The following PALM2AKAP2 variants were observed in gnomAD, a reference collection of about 807,000 sequenced individuals.
PALM2AKAP2 encodes PALM2-AKAP2 fusion protein.
In PALM2AKAP2, 37 loss-of-function variants were observed where a neutral mutation model predicts 71.5. That is an observed-to-expected ratio of 0.52 (90% CI 0.40 to 0.68). The LOEUF is 0.68. PALM2AKAP2 is among the 30% of genes least tolerant of loss of function. The pLI, the probability that PALM2AKAP2 is intolerant of heterozygous loss-of-function variation, is 0.00. For synonymous variants in PALM2AKAP2, 468 were observed against 478.8 expected (o/e 0.98, Z 0.29); for missense variants, 1,224 against 1,191.8 (o/e 1.03, Z -0.40).
chr9:109,824,365 T>A (rs1828087580), intron 1 of PALM2AKAP2, among the ~76,000 whole-genome samples: 1 of 152,196 alleles, frequency 6.6e-6, no homozygotes, highest in South Asian at 2.1e-4. Context: ...CACTTATTTA[T>A]CCTTTCTGCT....
chr9:109,999,027 C>T (rs74847945), intron 6 of PALM2AKAP2, among the ~76,000 whole-genome samples: 1 of 152,082 alleles, frequency 6.6e-6, no homozygotes, highest in Admixed American at 6.6e-5. Flanking sequence ...GCAGGGAGGA[C>T]AGTCCCTATC....
At chr9:109,645,076 A>G (rs1587852210) in intron 1 of PALM2AKAP2, among the ~76,000 whole-genome samples, 1 of 152,270 alleles carries the variant, frequency 6.6e-6, no homozygotes, top group East Asian at 1.9e-4. Flanking sequence ...GTACCAATGT[A>G]CTGTATTAGT....
chr9:110,100,060 T>TATATATAC (rs1834957601), intron 1 of PALM2AKAP2, among the ~76,000 whole-genome samples: 1 of 133,654 alleles, frequency 7.5e-6, no homozygotes, highest in African/African-American at 3.3e-5. Flanking sequence ...TCTATATATA[T>TATATATAC]ATATATATAT....
chr9:109,945,363 G>T (rs1042561828), intron 6 of PALM2AKAP2: 10 of 152,138 alleles, frequency 6.6e-5, no homozygotes, highest in African/African-American at 2.4e-4. Flanking sequence ...ATAACTGAGG[G>T]AAATATCTCT....
exon 2 of PALM2AKAP2, chr9:110,136,662 C>T (rs143371794): frequency 3.5e-5 from 57 of 1,613,986 alleles, no homozygotes; most frequent in Middle Eastern, 1.6e-4. Context: ...CCTAGAGATG[C>T]GCTGGGGGAC....
rs560147273 is a variant in PALM2AKAP2, at chr9:109,799,478, AG to A, written c.45+18949del. ...CAGTGGCTTTCCATTATTTCCATAG[AG>A]GGGTCACCTTTAGTTTTGGGGAGTT... On this transcript the variant is annotated intron_variant, in intron 1 of 9. Coordinates refer to the PALM2AKAP2 transcript ENST00000302798. 7.2e-5 allele frequency among the ~76,000 whole-genome samples: 11 copies of A among 152,116 alleles called. No homozygotes were observed. In the South Asian group the frequency reaches 2.1e-3, roughly 29 times the overall value.
At chr9:109,862,807 T>G (rs1379411381) in intron 1 of PALM2AKAP2, 1 of 462,810 alleles carries the variant, frequency 2.2e-6, no homozygotes, top group African/African-American at 2.0e-5. Flanking sequence ...ATAGATGAAT[T>G]GTTTTTTGTC....
intron 6 of PALM2AKAP2, among the ~76,000 whole-genome samples, chr9:110,002,775 G>A (rs979792802): frequency 1.3e-5 from 2 of 151,774 alleles, no homozygotes; most frequent in African/African-American, 2.4e-5. Flanking sequence ...TGTATGTGTC[G>A]AGGAATTTAT....
intron 1 of PALM2AKAP2, among the ~76,000 whole-genome samples, chr9:109,849,003 C>G (rs565112920): frequency 6.6e-6 from 1 of 152,092 alleles, no homozygotes; most frequent in East Asian, 1.9e-4. Flanking sequence ...GACAAGTTTG[C>G]CAGCTCCTGC....
rs530787868 is a variant in PALM2AKAP2 at position 109,959,169 on chromosome 9, G to A, written c.496+27141G>A. Among the ~76,000 whole-genome samples the A allele has an allele frequency of 1.8e-4, 27 of 152,266 alleles. No homozygotes were observed. The South Asian group carries it at 2.3e-3, about 13-fold the overall frequency. On this transcript the variant is annotated intron_variant, in intron 6 of 9. Transcript: ENST00000302798. ...GACAGTGCTTCTCTCCACAGACAAT[G>A]TTTAACTCTGGACAAAATACAGGCT...
At chr9:109,998,763 G>A (rs865800577) in intron 6 of PALM2AKAP2, among the ~76,000 whole-genome samples, 23 of 91,198 alleles carry the variant, frequency 2.5e-4, no homozygotes, top group African/African-American at 1.0e-3. Context: ...AGACCCTGTC[G>A]CAAAAAAAAA....
At chr9:110,021,180 G>A (rs917646442) in intron 7 of PALM2AKAP2, among the ~76,000 whole-genome samples, 1 of 152,136 alleles carries the variant, frequency 6.6e-6, no homozygotes, top group Non-Finnish European at 1.5e-5. Flanking sequence ...AATGACACAT[G>A]TCCTTATAAG....
chr9:110,077,510 G>C (rs1834348598), intron 1 of PALM2AKAP2, among the ~76,000 whole-genome samples: 1 of 152,156 alleles, frequency 6.6e-6, no homozygotes, highest in Non-Finnish European at 1.5e-5. Context: ...GGTAAACGGT[G>C]AGGCTGGGCA....
At chr9:109,867,512 G>A in exon 2 of PALM2AKAP2, 1 of 1,612,596 alleles carries the variant, frequency 6.2e-7, no homozygotes. Flanking sequence ...GAGGCAGACT[G>A]AAATAGAAGG....
intron 6 of PALM2AKAP2, among the ~76,000 whole-genome samples, chr9:109,993,449 G>A (rs775127001): frequency 2.6e-5 from 4 of 152,272 alleles, no homozygotes; most frequent in South Asian, 2.1e-4. Flanking sequence ...ACTCTGTCAC[G>A]TGCATTTATC....
rs118182044 is a variant in PALM2AKAP2 at position 110,155,409 on chromosome 9, G to A, written c.2570-910G>A. On this transcript the variant is annotated intron_variant, in intron 2 of 3. Transcript: ENST00000374525. ...TTCTCAGAAGTGCATTTGGGGCTCT[G>A]TGTCAATAAACCCACCCCATGAAGG... Among the ~76,000 whole-genome samples, 183 of 152,314 alleles carry A rather than the reference G, an allele frequency of 1.2e-3. 2 individuals are homozygous for A. Among genetic ancestry groups the A allele is most frequent in the East Asian group, 7.7e-4 (4 of 5,188 alleles).
At chr9:109,959,527 C>G (rs1831813783) in intron 6 of PALM2AKAP2, among the ~76,000 whole-genome samples, 1 of 151,894 alleles carries the variant, frequency 6.6e-6, no homozygotes. Context: ...CGCCTGTAGT[C>G]CCAGCTACTC....
intron 6 of PALM2AKAP2, among the ~76,000 whole-genome samples, chr9:110,010,860 G>A (rs555908632): frequency 6.8e-5 from 10 of 148,128 alleles, no homozygotes; most frequent in Admixed American, 2.7e-4. Context: ...GCCGGGCATG[G>A]TGGTACATGC....
rs569612489 is a variant in PALM2AKAP2, at chr9:109,714,054, A to T, written c.6-66434A>T. ...ATACTGCAGAAAGAGTCTATTAATT[A>T]AAAAAAATTAATTAGCTAGACAACT... is the stretch of plus-strand genomic sequence containing the variant. On this transcript the variant is annotated intron_variant, in intron 1 of 6. Coordinates refer to the PALM2AKAP2 transcript ENST00000374531. Among the ~76,000 whole-genome samples the T allele has an allele frequency of 1.5e-4, 23 of 152,240 alleles. No homozygotes were observed. The East Asian group carries it at 4.0e-3, about 27-fold the overall frequency.
Sources: gnomAD v4.1 joint callset for allele counts (sites outside exome capture counted in the v4.1 genomes callset) on GRCh38, gnomAD v4.1.1 for gene constraint, MANE v1.5 for transcripts, NCBI Gene and HGNC (gene_info 2026-07-23, HGNC 2026-07-21) for gene names.